MEP1B: variants seen among roughly 807,000 people sequenced by gnomAD.
The protein encoded by MEP1B is N-benzoyl-L-tyrosyl-P-amino-benzoic acid hydrolase subunit beta.
A neutral mutation model predicts 84.6 loss-of-function variants in MEP1B; 80 were observed. That is an observed-to-expected ratio of 0.95 (90% CI 0.79 to 1.14). MEP1B has a LOEUF of 1.14. Ranked by LOEUF, MEP1B falls within the 50% of genes most tolerant of loss-of-function variation. The pLI is 0.00. For synonymous variants in MEP1B, 273 were observed against 288.1 expected, an observed-to-expected ratio of 0.95 and a Z score of 0.53; for missense variants, 766 against 855.1, an observed-to-expected ratio of 0.90 and a Z score of 1.30.
chr18:32,198,060 A>G (rs911999692), intron 5 of MEP1B, among the ~76,000 whole-genome samples: 7 of 152,368 alleles, frequency 4.6e-5, no homozygotes, highest in South Asian at 4.1e-4. Flanking sequence ...GTGAATTATG[A>G]TAGAATGGAA....
At chr18:32,218,171 C>T (rs1326856323) in intron 14 of MEP1B, among the ~76,000 whole-genome samples, 1 of 152,166 alleles carries the variant, frequency 6.6e-6, no homozygotes, top group Non-Finnish European at 1.5e-5. Context: ...GTTCATTATC[C>T]TCCTGGAATT....
At position 32,196,246 on chromosome 18, in the gene MEP1B, A is replaced by G. The variant is rs1401191031; in HGVS notation, c.250+761A>G. On this transcript the variant is annotated intron_variant, in intron 5 of 14. Coordinates refer to ENST00000269202, the MANE Select transcript of MEP1B (RefSeq NM_005925.3). The surrounding 1 kb of genome is among the most constrained non-coding windows in gnomAD (Gnocchi z 4.4). ...GAAGAGGATGCCATTGATGCCTTTG[A>G]ACTGCTCCAAGACGCTGGCCATGCT... 1.4e-6 allele frequency: 1 copy of G among 703,792 alleles called. No individual in the cohort carries two copies. The highest frequency in any genetic ancestry group is 1.8e-5 in the African/African-American group (1 of 57,102). The allele number at this position is 703,792 out of a possible 1,614,324, so 43.6% of individuals were successfully genotyped here.
rs2041096962 is a variant in MEP1B at position 32,217,008 on chromosome 18, T to C, written c.1777T>C (p.Ser593Pro). The C allele has an allele frequency of 6.2e-7, 1 of 1,613,966 alleles. No homozygotes were observed. Among genetic ancestry groups the C allele is most frequent in the Non-Finnish European group, 8.5e-7 (1 of 1,179,862 alleles). The change falls in exon 13 of 15, where the codon TCT becomes CCT. Residue 593 changes from serine (S) to proline (P), a missense_variant. Physicochemically the swap from Ser to Pro is moderately conservative, Grantham distance 74. Transcript: ENST00000269202. ...CTTCCTAGACATATCTCACCTCAACTCTACACAAATCCAGCTAACACCAGC... is the reference window on the plus strand; with the variant it reads ...CTTCCTAGACATATCTCACCTCAACCCTACACAAATCCAGCTAACACCAGC... ...LTVEDISHLN[S>P]TQIQLTPAPS...
intron 4 of MEP1B, 104 bp from the exon 5 acceptor site, chr18:32,195,303 G>A (rs1342859888): frequency 1.9e-5 from 13 of 693,790 alleles, no homozygotes; most frequent in Admixed American, 1.0e-4. Flanking sequence ...TTGTTTGTGC[G>A]AACTGGGAGA....
Position 32,217,754 on chromosome 18 carries a change from C to T in MEP1B, c.1887-7C>T, listed in dbSNP as rs1214824106. 1.2e-6 allele frequency: 2 copies of T among 1,611,612 alleles called. No homozygotes were observed. The highest frequency in any genetic ancestry group is 1.7e-6 in the Non-Finnish European group (2 of 1,178,214). Reference sequence around the variant, plus strand: ...TAATAACTCTGAGTCATGCTCTCAACATGCAGGTGCCAGTCAGGGGAAGAC... The same window carrying T: ...TAATAACTCTGAGTCATGCTCTCAATATGCAGGTGCCAGTCAGGGGAAGAC... On this transcript the variant is annotated splice_region_variant and splice_polypyrimidine_tract_variant and intron_variant, in intron 13 of 14. Transcript: ENST00000269202.
intron 12 of MEP1B, among the ~76,000 whole-genome samples, chr18:32,215,485 A>G (rs1451685766): frequency 1.3e-5 from 2 of 152,196 alleles, no homozygotes; most frequent in Non-Finnish European, 2.9e-5. Context: ...TGACCACCAC[A>G]TGAAGCTATA....
intron 5 of MEP1B, among the ~76,000 whole-genome samples, chr18:32,202,555 C>T (rs992461765): frequency 6.6e-6 from 1 of 152,172 alleles, no homozygotes; most frequent in Non-Finnish European, 1.5e-5. Context: ...TATGGCTTCT[C>T]AGATGAAGTA....
At chr18:32,209,655 C>T (rs980957328) in intron 9 of MEP1B, among the ~76,000 whole-genome samples, 5 of 152,062 alleles carry the variant, frequency 3.3e-5, no homozygotes, top group African/African-American at 1.2e-4. Flanking sequence ...TTTTTCATTA[C>T]AAGTATCATT....
chr18:32,213,384 C>G lies in MEP1B; in HGVS notation c.1404C>G (p.Ala468=). ...GYAFQIYLNL[A]HVTNAGIYFH... ...CCTTTCAGATTTACTTAAATCTAGC[C>G]CATGTGACTAATGCAGGGATATATT... The change falls in exon 11 of 15, where the codon GCC becomes GCG. Residue 468 remains alanine, a synonymous_variant. Coordinates refer to ENST00000269202, the MANE Select transcript of MEP1B (RefSeq NM_005925.3). 1 of 1,613,792 alleles carries G rather than the reference C, an allele frequency of 6.2e-7. No individual in the cohort carries two copies. The highest frequency in any genetic ancestry group is 1.1e-5 in the South Asian group (1 of 91,054).
intron 6 of MEP1B, 95 bp from the exon 7 acceptor site, chr18:32,204,075 GGTGGGTAATGAA>G (rs1461376636): frequency 1.9e-5 from 17 of 883,782 alleles, no homozygotes; most frequent in South Asian, 6.3e-5. Flanking sequence ...TAAGAGCAAA[GGTGGGTAATGAA>G]GTGGGTAATG....
intron 5 of MEP1B, among the ~76,000 whole-genome samples, chr18:32,202,575 G>C (rs1293729599): frequency 6.6e-6 from 1 of 152,202 alleles, no homozygotes; most frequent in East Asian, 1.9e-4. Flanking sequence ...ACGTGATGGT[G>C]ATTATTTATT....
At chr18:32,204,144 A>C in intron 6 of MEP1B, 38 bp from the exon 7 acceptor site, 1 of 1,570,912 alleles carries the variant, frequency 6.4e-7, no homozygotes. Flanking sequence ...TCAGATTGTA[A>C]CATTCTCTTC....
rs941607716 is a variant in MEP1B at position 32,215,548 on chromosome 18, G to A, written c.1759+287G>A. 4.6e-5 allele frequency among the ~76,000 whole-genome samples: 7 copies of A among 152,326 alleles called. No homozygotes were observed. In the East Asian group the frequency reaches 5.8e-4, roughly 13 times the overall value. ...TTTAGAAATAAGTTAAAATAGGCCG[G>A]GCGCAGTGGCTCATGCCTGTAATCC... On this transcript the variant is annotated intron_variant, in intron 12 of 14. Coordinates refer to ENST00000269202, the MANE Select transcript of MEP1B (RefSeq NM_005925.3).
intron 2 of MEP1B, among the ~76,000 whole-genome samples, chr18:32,192,199 T>C (rs2040808528): frequency 6.6e-6 from 1 of 152,084 alleles, no homozygotes; most frequent in African/African-American, 2.4e-5. Flanking sequence ...ATATACACCT[T>C]TACAACTTAA....
intron 7 of MEP1B, among the ~76,000 whole-genome samples, chr18:32,205,275 T>C (rs1485366976): frequency 2.0e-5 from 3 of 152,212 alleles, no homozygotes; most frequent in African/African-American, 7.2e-5. Flanking sequence ...TGATTTTGTG[T>C]TCAAAGTCAC....
At chr18:32,212,638 G>A (rs1470389882) in intron 10 of MEP1B, among the ~76,000 whole-genome samples, 1 of 152,114 alleles carries the variant, frequency 6.6e-6, no homozygotes, top group African/African-American at 2.4e-5. Flanking sequence ...GGGTTTGGTG[G>A]ATTTTGTTTA....
At chr18:32,193,962 C>T (rs1196709270) in intron 4 of MEP1B, among the ~76,000 whole-genome samples, 1 of 152,178 alleles carries the variant, frequency 6.6e-6, no homozygotes, top group African/African-American at 2.4e-5. Flanking sequence ...GCCAGCTCCA[C>T]TTGAATGTCT....
Position 32,207,351 on chromosome 18 carries a change from T to G in MEP1B, c.647T>G (p.Phe216Cys). ...TSVMHYSKTA[F>C]QNGTEPTIVT... ...GTAATGCACTACAGTAAAACTGCAT[T>G]CCAAAATGGAACAGAGCCGACAATT... The change falls in exon 8 of 15, where the codon TTC becomes TGC. Residue 216 changes from phenylalanine (F) to cysteine (C), a missense_variant. Coordinates refer to ENST00000269202, the MANE Select transcript of MEP1B (RefSeq NM_005925.3). 1.2e-6 allele frequency: 2 copies of G among 1,613,176 alleles called. No individual in the cohort carries two copies. Among genetic ancestry groups the G allele is most frequent in the Non-Finnish European group, 1.7e-6 (2 of 1,179,424 alleles).
In MEP1B at chr18:32,192,665, C is replaced by G; in HGVS notation, c.102C>G (p.Asp34Glu). Reference protein sequence around the residue: ...PENFDVDGGMDQDIFDINEGL... With the variant: ...PENFDVDGGMEQDIFDINEGL... The stretch of plus-strand genomic sequence containing the variant: ...TCAAAGATGTAGATGGCGGAATGGA[C>G]CAGGACATATTTGATATCAATGAAG... Residue 34 changes from aspartate (D) to glutamate (E), a missense_variant, in exon 3 of 15, where the codon GAC becomes GAG. Physicochemically the swap from Asp to Glu is conservative, Grantham distance 45. Transcript: ENST00000269202. 6.2e-7 allele frequency: 1 copy of G among 1,613,080 alleles called. No individual in the cohort carries two copies.
Sources: allele counts gnomAD v4.1 joint callset (sites outside exome capture counted in the v4.1 genomes callset), GRCh38; gene constraint gnomAD v4.1.1; non-coding constraint Gnocchi (gnomAD v3.1); transcripts MANE v1.5; gene names NCBI Gene and HGNC (gene_info 2026-07-23, HGNC 2026-07-21).